SEL1L2: variants seen among roughly 807,000 people sequenced by gnomAD.
The protein encoded by SEL1L2 is protein sel-1 homolog 2.
SEL1L2 carries 89 observed loss-of-function variants against 98.8 expected under a neutral mutation model. The observed-to-expected ratio is 0.90, with a 90% CI of 0.76 to 1.07. The LOEUF (loss-of-function observed/expected upper bound fraction) is 1.07, where lower values mean the gene tolerates loss of function less well. SEL1L2 is among the 50% of genes least tolerant of loss of function. The probability of loss-of-function intolerance (pLI) is 0.00; values close to 1 mark genes in which losing one functional copy is unlikely to be tolerated. For missense variants in SEL1L2, 788 were observed against 812.0 expected (o/e 0.97, Z 0.36); for synonymous variants, 262 against 278.5 (o/e 0.94, Z 0.59).
chr20:13,967,254 G>T (rs2051089208), intron 1 of SEL1L2, among the ~76,000 whole-genome samples: 5 of 152,148 alleles, frequency 3.3e-5, no homozygotes, highest in Admixed American at 3.3e-4. Context: ...ATAAAGTGAA[G>T]AAGCTACACT....
chr20:13,849,733 G>A (rs1476705166), intron 19 of SEL1L2, 129 bp from the exon 20 acceptor site: 26 of 1,124,086 alleles, frequency 2.3e-5, no homozygotes, highest in Non-Finnish European at 3.2e-5. Flanking sequence ...TTCAGTCTTG[G>A]AAGACACAAT....
chr20:13,990,441 A>T (rs763371274), intron 1 of SEL1L2, 36 bp downstream of exon 1: 1 of 1,421,542 alleles, frequency 7.0e-7, no homozygotes, highest in Non-Finnish European at 9.9e-7. Flanking sequence ...AAGAGAAGAG[A>T]CCCTCATAGA....
At chr20:13,940,990 G>A (rs1021753036) in intron 2 of SEL1L2, among the ~76,000 whole-genome samples, 4 of 152,186 alleles carry the variant, frequency 2.6e-5, no homozygotes, top group African/African-American at 7.2e-5. Flanking sequence ...GAGTGCAGAA[G>A]CAATGGAGAT....
chr20:13,941,250 C>T (rs2049762847), intron 2 of SEL1L2, among the ~76,000 whole-genome samples: 1 of 152,116 alleles, frequency 6.6e-6, no homozygotes, highest in African/African-American at 2.4e-5. Context: ...CCGGCATTGA[C>T]CTAGAAAGCA....
chr20:13,896,004 CT>C (rs2047407031), intron 5 of SEL1L2, among the ~76,000 whole-genome samples: 1 of 152,006 alleles, frequency 6.6e-6, no homozygotes, highest in Non-Finnish European at 1.5e-5. Context: ...AAAACTCCAT[CT>C]CTACTGAAAA....
chr20:13,937,191 G>C (rs1217037808), intron 2 of SEL1L2, among the ~76,000 whole-genome samples: 3 of 152,198 alleles, frequency 2.0e-5, no homozygotes, highest in Non-Finnish European at 4.4e-5. Context: ...GTATCACTGT[G>C]ACCCACGGTG....
upstream of SEL1L2, among the ~76,000 whole-genome samples, chr20:13,992,367 G>A (rs551293302): frequency 6.6e-6 from 1 of 152,206 alleles, no homozygotes; most frequent in South Asian, 2.1e-4. Flanking sequence ...AGCCGGGCAT[G>A]GTGGTAGATG....
chr20:13,878,757 C>T (rs2046553796), intron 10 of SEL1L2, among the ~76,000 whole-genome samples: 1 of 152,086 alleles, frequency 6.6e-6, no homozygotes, highest in Non-Finnish European at 1.5e-5. Context: ...TGACTGAAGC[C>T]TGCTATATAT....
intron 10 of SEL1L2, among the ~76,000 whole-genome samples, chr20:13,881,802 T>A (rs1458809012): frequency 2.0e-5 from 3 of 152,208 alleles, no homozygotes; most frequent in Non-Finnish European, 4.4e-5. Flanking sequence ...AGACTTATAC[T>A]AATAATTCTC....
At position 13,886,287 on chromosome 20, in the gene SEL1L2, C is replaced by G. The variant is rs779274169; in HGVS notation, c.900+1G>C. 3.7e-6 allele frequency: 6 copies of G among 1,601,646 alleles called. No homozygotes were observed. In the South Asian group the frequency reaches 6.7e-5, roughly 18 times the overall value. On this transcript the variant is annotated splice_donor_variant, in intron 9 of 19. Coordinates refer to ENST00000284951, the MANE Select transcript of SEL1L2 (RefSeq NM_025229.2). LOFTEE classifies it high-confidence loss of function. ...AACTCAATCTCATCTGTATACATTA[C>G]TTGTATCTGAACATCTCCTCTTTCT...
chr20:13,868,959 T>C (rs1600521439), intron 14 of SEL1L2, among the ~76,000 whole-genome samples: 1 of 152,096 alleles, frequency 6.6e-6, no homozygotes, highest in Admixed American at 6.6e-5. Context: ...ATTCATTTAC[T>C]CTTCCTTGAA....
chr20:13,988,695 A>T (rs2052377114), intron 1 of SEL1L2, among the ~76,000 whole-genome samples: 1 of 152,224 alleles, frequency 6.6e-6, no homozygotes, highest in South Asian at 2.1e-4. Context: ...TTTGAAAAGA[A>T]GTCAGCTGGG....
At chr20:13,906,272 T>G (rs1022892490) in intron 5 of SEL1L2, among the ~76,000 whole-genome samples, 1 of 152,208 alleles carries the variant, frequency 6.6e-6, no homozygotes, top group African/African-American at 2.4e-5. Context: ...AGAGTTAAGT[T>G]CAAATATTTT....
At chr20:13,975,839 G>A (rs1481313400) in intron 1 of SEL1L2, among the ~76,000 whole-genome samples, 1 of 152,084 alleles carries the variant, frequency 6.6e-6, no homozygotes, top group Non-Finnish European at 1.5e-5. Flanking sequence ...AAGGGGTTGG[G>A]AAACTTTTGT....
At position 13,886,519 on chromosome 20, in the gene SEL1L2, C is replaced by T. The variant is rs11905248; in HGVS notation, c.746-77G>A. 32 of 1,147,476 alleles carry T rather than the reference C, an allele frequency of 2.8e-5. 1 individual carries two copies. The highest frequency in any genetic ancestry group is 2.1e-4 in the South Asian group (15 of 70,428). The allele number at this position is 1,147,476 out of a possible 1,614,324, so 71.1% of individuals were successfully genotyped here. On this transcript the variant is annotated intron_variant, in intron 8 of 19. Transcript: ENST00000284951. ...ATAACAGTCAATTTAGAGAAAACAC[C>T]GTTAGCTTATTATCTTAAATTGTGC... is the stretch of plus-strand genomic sequence containing the variant.
chr20:13,965,956 CAA>C (rs199731856), intron 1 of SEL1L2, among the ~76,000 whole-genome samples: 26 of 110,220 alleles, frequency 2.4e-4, no homozygotes, highest in African/African-American at 4.2e-4. Flanking sequence ...GATTCTGTCT[CAA>C]AAAAAAAAAA....
chr20:13,935,617 G>A (rs1645874913), intron 2 of SEL1L2, among the ~76,000 whole-genome samples: 1 of 152,192 alleles, frequency 6.6e-6, no homozygotes, highest in South Asian at 2.1e-4. Context: ...GGTAACTGGA[G>A]CAGAGTGAGT....
At chr20:13,851,443 A>T (rs1361095814) in intron 18 of SEL1L2, 1 of 152,150 alleles carries the variant, frequency 6.6e-6, no homozygotes, top group Non-Finnish European at 1.5e-5. Flanking sequence ...CCTAGTACGC[A>T]GTAGGTCTTT....
intron 14 of SEL1L2, 85 bp from the exon 15 acceptor site, chr20:13,866,935 CCTG>C (rs1427730593): frequency 1.6e-6 from 2 of 1,259,158 alleles, no homozygotes; most frequent in Non-Finnish European, 2.1e-6. Context: ...CATAGTGATG[CCTG>C]CTATTTAAAT....
Sources: gnomAD v4.1 joint callset for allele counts (sites outside exome capture counted in the v4.1 genomes callset) on GRCh38, gnomAD v4.1.1 for gene constraint, MANE v1.5 for transcripts, NCBI Gene and HGNC (gene_info 2026-07-23, HGNC 2026-07-21) for gene names.